The following NEDD4L variants were observed in gnomAD, a reference collection of about 807,000 sequenced individuals.
The protein encoded by NEDD4L is E3 ubiquitin-protein ligase NEDD4-like.
NEDD4L carries 54 observed loss-of-function variants against 148.9 expected under a neutral mutation model. That is an observed-to-expected ratio of 0.36 (90% CI 0.29 to 0.45). The LOEUF is 0.45. Ranked by LOEUF, NEDD4L falls within the 20% of genes least tolerant of loss-of-function variation. NEDD4L has a pLI of 1.00. For missense variants in NEDD4L, 856 were observed against 1,233.8 expected (o/e 0.69, Z 4.59); for synonymous variants, 433 against 440.7 (o/e 0.98, Z 0.22).
intron 1 of NEDD4L, among the ~76,000 whole-genome samples, chr18:58,093,238 C>T (rs1456381489): frequency 3.3e-5 from 5 of 152,068 alleles, no homozygotes; most frequent in Non-Finnish European, 7.4e-5. Flanking sequence ...GCTAAATATA[C>T]TGATTTTTAA....
intron 5 of NEDD4L, among the ~76,000 whole-genome samples, chr18:58,266,306 A>C (rs2050212519): frequency 6.6e-6 from 1 of 152,106 alleles, no homozygotes; most frequent in Non-Finnish European, 1.5e-5. Context: ...ATACATTTCT[A>C]ACCTTAGAAG....
chr18:58,127,561 C>T (rs1471361875), intron 1 of NEDD4L, among the ~76,000 whole-genome samples: 10 of 151,682 alleles, frequency 6.6e-5, no homozygotes, highest in Middle Eastern at 3.4e-3. Context: ...AAAAATCGGC[C>T]GGGTGCGGTG....
At chr18:58,183,358 G>C (rs967590843) in intron 2 of NEDD4L, among the ~76,000 whole-genome samples, 2 of 152,154 alleles carry the variant, frequency 1.3e-5, no homozygotes, top group South Asian at 4.1e-4. Flanking sequence ...AGTTAATACG[G>C]GTTTGGCACA....
intron 5 of NEDD4L, among the ~76,000 whole-genome samples, chr18:58,260,031 C>A (rs1347516184): frequency 6.6e-6 from 1 of 152,048 alleles, no homozygotes; most frequent in African/African-American, 2.4e-5. Context: ...ACTCGAGTAT[C>A]CAATGTATTA....
intron 2 of NEDD4L, among the ~76,000 whole-genome samples, chr18:58,221,278 C>T (rs2043733471): frequency 6.6e-6 from 1 of 152,062 alleles, no homozygotes; most frequent in African/African-American, 2.4e-5. Context: ...AGCAAAACAG[C>T]CCCGCCAGAC....
intron 1 of NEDD4L, among the ~76,000 whole-genome samples, chr18:58,130,779 T>C (rs925845405): frequency 2.8e-5 from 4 of 143,336 alleles, no homozygotes; most frequent in South Asian, 4.6e-4. Context: ...TGTGGCAGTG[T>C]TGGGCTCTGG....
At chr18:58,101,972 T>C (rs1050414220) in intron 1 of NEDD4L, among the ~76,000 whole-genome samples, 12 of 152,240 alleles carry the variant, frequency 7.9e-5, no homozygotes, top group African/African-American at 2.9e-4. Context: ...AATGTTGATG[T>C]GGCTACCAAG....
intron 2 of NEDD4L, among the ~76,000 whole-genome samples, chr18:58,205,935 C>G (rs1440898697): frequency 1.3e-5 from 2 of 152,172 alleles, no homozygotes; most frequent in Non-Finnish European, 2.9e-5. Context: ...CTTGTGCCTC[C>G]TTCTGCATAT....
chr18:58,337,968 G>A (rs2041981003), intron 13 of NEDD4L, among the ~76,000 whole-genome samples: 1 of 152,146 alleles, frequency 6.6e-6, no homozygotes, highest in Non-Finnish European at 1.5e-5. Flanking sequence ...AGTCCTTTCA[G>A]TCTTTGTTGT....
At chr18:58,352,218 T>C (rs1439051454) in intron 18 of NEDD4L, among the ~76,000 whole-genome samples, 1 of 152,146 alleles carries the variant, frequency 6.6e-6, no homozygotes, top group East Asian at 1.9e-4. Flanking sequence ...GTCCAGAATT[T>C]CATAGTAAGC....
At chr18:58,072,321 A>C (rs1233991163) in intron 1 of NEDD4L, among the ~76,000 whole-genome samples, 1 of 152,198 alleles carries the variant, frequency 6.6e-6, no homozygotes, top group Non-Finnish European at 1.5e-5. Context: ...TCCTCAGTGC[A>C]ATGCTAGCTT....
chr18:58,255,393 A>C, intron 5 of NEDD4L: 3 of 637,124 alleles, frequency 4.7e-6, no homozygotes, highest in Non-Finnish European at 6.6e-6. Flanking sequence ...GAGCGCGGTC[A>C]TGTGGTTCTG....
At chr18:58,047,438 C>T (rs918016844) in intron 1 of NEDD4L, 5 of 984,304 alleles carry the variant, frequency 5.1e-6, no homozygotes, top group African/African-American at 3.5e-5. Flanking sequence ...ACCCAGAAAA[C>T]GGGGATGCCA....
chr18:58,118,525 C>G (rs117925633), intron 1 of NEDD4L, among the ~76,000 whole-genome samples: 1 of 152,316 alleles, frequency 6.6e-6, no homozygotes, highest in East Asian at 1.9e-4. Context: ...AACTGCGCTG[C>G]TGCTTTTCAG....
intron 1 of NEDD4L, among the ~76,000 whole-genome samples, chr18:58,066,152 A>T (rs143562235): frequency 4.0e-4 from 61 of 152,326 alleles, no homozygotes; most frequent in African/African-American, 1.3e-3. Flanking sequence ...CCTAGTAGTC[A>T]CTTAAGTTGC....
Position 58,366,264 on chromosome 18 carries a change from C to G in NEDD4L, c.2063+36C>G, listed in dbSNP as rs374505472. 3.7e-5 allele frequency: 51 copies of G among 1,377,146 alleles called. No individual in the cohort carries two copies. The highest frequency in any genetic ancestry group is 5.0e-5 in the Non-Finnish European group (50 of 1,003,432). 85.3% of individuals were successfully genotyped at this position (1,377,146 alleles called of 1,614,324 possible). A position where few individuals can be genotyped will look rare whatever the true frequency, so the allele number is the denominator to read the frequency against. On this transcript the variant is annotated intron_variant, in intron 21 of 30. Transcript: ENST00000400345. This position sits in a 1 kb window ranked among gnomAD's most constrained non-coding sequence, Gnocchi z 4.2. Reference sequence around the variant, plus strand: ...GGCCACACCCAGTGTGTGTCCCCCACTGAGACAGTTGTATGAATTTAAACA... The same window carrying G: ...GGCCACACCCAGTGTGTGTCCCCCAGTGAGACAGTTGTATGAATTTAAACA...
intron 1 of NEDD4L, among the ~76,000 whole-genome samples, chr18:58,119,753 C>T (rs917325442): frequency 6.6e-6 from 1 of 152,194 alleles, no homozygotes; most frequent in African/African-American, 2.4e-5. Context: ...ACATCAGAAT[C>T]ACCTGGGGGA....
At chr18:58,049,397 T>C (rs1215594843) in intron 1 of NEDD4L, among the ~76,000 whole-genome samples, 1 of 152,240 alleles carries the variant, frequency 6.6e-6, no homozygotes, top group African/African-American at 2.4e-5. Context: ...TGTGCCATCT[T>C]TGCAGCTGTG....
chr18:58,259,429 T>A (rs960710195), intron 5 of NEDD4L, among the ~76,000 whole-genome samples: 13 of 152,248 alleles, frequency 8.5e-5, no homozygotes, highest in African/African-American at 3.1e-4. Flanking sequence ...TATTTTCTTA[T>A]AAATTAGCTT....
Sources: gnomAD v4.1 joint callset for allele counts (sites outside exome capture counted in the v4.1 genomes callset) on GRCh38, gnomAD v4.1.1 for gene constraint, Gnocchi (gnomAD v3.1) non-coding constraint, MANE v1.5 for transcripts, NCBI Gene and HGNC (gene_info 2026-07-23, HGNC 2026-07-21) for gene names.